Variants in SCIMP observed in about 807,000 individuals in gnomAD.
SCIMP encodes SLP adaptor and CSK interacting membrane protein, also known as SLP adapter and CSK-interacting membrane protein.
A neutral mutation model predicts 22.0 loss-of-function variants in SCIMP; 18 were observed. That is an observed-to-expected ratio of 0.82 (90% CI 0.56 to 1.21). SCIMP has a LOEUF of 1.21. Ranked by LOEUF, SCIMP falls within the 50% of genes most tolerant of loss-of-function variation. The probability of loss-of-function intolerance (pLI) is 0.00; values close to 1 mark genes in which losing one functional copy is unlikely to be tolerated. For missense variants in SCIMP, 155 were observed against 171.2 expected (o/e 0.91, Z 0.53); for synonymous variants, 53 against 62.2 (o/e 0.85, Z 0.70).
intron 1 of SCIMP, among the ~76,000 whole-genome samples, chr17:5,226,774 G>T (rs1280357389): frequency 6.6e-6 from 1 of 152,010 alleles, no homozygotes; most frequent in East Asian, 1.9e-4. Context: ...CTCCCAAAGT[G>T]CTGGGATTAC....
intron 1 of SCIMP, among the ~76,000 whole-genome samples, chr17:5,227,018 C>T (rs1031060167): frequency 1.3e-5 from 2 of 151,904 alleles, no homozygotes; most frequent in African/African-American, 4.8e-5. Flanking sequence ...GCTGCATGAC[C>T]GAGTTCAGGC....
intron 3 of SCIMP, among the ~76,000 whole-genome samples, chr17:5,218,700 T>C (rs780659489): frequency 1.3e-5 from 2 of 152,192 alleles, no homozygotes; most frequent in Non-Finnish European, 2.9e-5. Flanking sequence ...ATTTGTCTTA[T>C]TCTTGAAAGG....
At chr17:5,222,113 G>A (rs1183223012) in intron 2 of SCIMP, among the ~76,000 whole-genome samples, 1 of 143,810 alleles carries the variant, frequency 7.0e-6, no homozygotes. Context: ...TTTTTAAGAT[G>A]GAGTCTCACA....
chr17:5,226,898 G>A (rs1209861091), intron 1 of SCIMP, among the ~76,000 whole-genome samples: 1 of 152,080 alleles, frequency 6.6e-6, no homozygotes, highest in African/African-American at 2.4e-5. Flanking sequence ...CCTAGTTCCA[G>A]TAGGATGTCC....
At chr17:5,232,378 A>ATAAACAGTATAAACAGTGCAGTG (rs2074706082) in intron 1 of SCIMP, among the ~76,000 whole-genome samples, 1 of 138,564 alleles carries the variant, frequency 7.2e-6, no homozygotes, top group Non-Finnish European at 1.5e-5. Flanking sequence ...ACAGTGCAGT[A>ATAAACAGTATAAACAGTGCAGTG]TAAACAGTGC....
At chr17:5,219,395 GGT>G (rs1451100085) in intron 3 of SCIMP, among the ~76,000 whole-genome samples, 1 of 152,126 alleles carries the variant, frequency 6.6e-6, no homozygotes, top group African/African-American at 2.4e-5. Flanking sequence ...GGGAGGCCAA[GGT>G]GGGTGGATCA....
chr17:5,212,244 G>A (rs2074530861), intron 4 of SCIMP, among the ~76,000 whole-genome samples: 1 of 152,294 alleles, frequency 6.6e-6, no homozygotes, highest in Non-Finnish European at 1.5e-5. Flanking sequence ...ACAGACCAGA[G>A]TTCATGTTCA....
intron 1 of SCIMP, among the ~76,000 whole-genome samples, chr17:5,232,963 C>A (rs532608068): frequency 3.3e-5 from 5 of 152,068 alleles, no homozygotes; most frequent in Non-Finnish European, 5.9e-5. Context: ...CCACCTGCCT[C>A]GGCCTCCCAA....
At chr17:5,221,915 G>T (rs1333718840) in intron 2 of SCIMP, among the ~76,000 whole-genome samples, 3 of 151,954 alleles carry the variant, frequency 2.0e-5, no homozygotes, top group African/African-American at 7.3e-5. Flanking sequence ...TGACGTTACA[G>T]GTGCCTGCCA....
intron 3 of SCIMP, among the ~76,000 whole-genome samples, chr17:5,219,086 G>T (rs1034210216): frequency 6.7e-6 from 1 of 149,960 alleles, no homozygotes; most frequent in East Asian, 2.0e-4. Context: ...TTGGGAGGCC[G>T]AGATGGGCAG....
At chr17:5,227,797 G>T (rs951888706) in intron 1 of SCIMP, among the ~76,000 whole-genome samples, 1 of 152,172 alleles carries the variant, frequency 6.6e-6, no homozygotes, top group Non-Finnish European at 1.5e-5. Context: ...AGCCTCTCTC[G>T]TGAGGCCATC....
chr17:5,223,350 T>C lies in SCIMP; in HGVS notation c.128A>G (p.Lys43Arg). The change falls in exon 2 of 5, where the codon AAG (lysine) becomes AGG (arginine). Residue 43 changes from lysine to arginine, a missense_variant. Physicochemically the swap from Lys to Arg is conservative, Grantham distance 26. Transcript: ENST00000574081. ...GLGLILYCVC[K>R]WQLRRGKKWE... ...GCCATTACCTCGTCTAAGCTGCCACTTACAGACACAGTACAGGATGAGGCC... is the reference window on the plus strand; with the variant it reads ...GCCATTACCTCGTCTAAGCTGCCACCTACAGACACAGTACAGGATGAGGCC... 1 of 1,613,676 alleles carries C rather than the reference T, an allele frequency of 6.2e-7. No individual in the cohort carries two copies. Among genetic ancestry groups the C allele is most frequent in the South Asian group, 1.1e-5 (1 of 91,054 alleles).
At chr17:5,223,592 G>T (rs1015320268) in intron 1 of SCIMP, 136 bp from the exon 2 acceptor site, 11 of 791,640 alleles carry the variant, frequency 1.4e-5, no homozygotes, top group Non-Finnish European at 1.9e-5. Context: ...GCCCAGGCTG[G>T]AGTGCAATGA....
intron 1 of SCIMP, among the ~76,000 whole-genome samples, chr17:5,227,337 C>T (rs986870583): frequency 2.4e-5 from 3 of 126,476 alleles, no homozygotes; most frequent in Admixed American, 1.5e-4. Flanking sequence ...TTACACTTAG[C>T]CAGGTGTGGC....
intron 3 of SCIMP, chr17:5,215,218 A>C (rs532597076): frequency 1.9e-6 from 1 of 515,214 alleles, no homozygotes; most frequent in African/African-American, 1.9e-5. Flanking sequence ...GCTGAAAATG[A>C]GGGGAGGGAA....
chr17:5,227,722 C>G (rs2074661736), intron 1 of SCIMP, among the ~76,000 whole-genome samples: 1 of 152,186 alleles, frequency 6.6e-6, no homozygotes, highest in Non-Finnish European at 1.5e-5. Context: ...ACCAACTCCT[C>G]CACCTTCCAG....
At chr17:5,227,903 G>T (rs970876141) in intron 1 of SCIMP, among the ~76,000 whole-genome samples, 10 of 152,140 alleles carry the variant, frequency 6.6e-5, no homozygotes, top group Non-Finnish European at 1.2e-4. Context: ...TGTTGGGCGC[G>T]GTGGCTCATG....
At chr17:5,219,980 AC>A (rs1169506961) in intron 3 of SCIMP, among the ~76,000 whole-genome samples, 32 of 152,146 alleles carry the variant, frequency 2.1e-4, no homozygotes, top group African/African-American at 6.3e-4. Context: ...ACACTCCATC[AC>A]TTTTTCATTT....
chr17:5,221,648 C>T (rs3816262), intron 2 of SCIMP, among the ~76,000 whole-genome samples: 8,439 of 152,228 alleles, frequency 0.055, 301 homozygotes, highest in East Asian at 0.16. Flanking sequence ...CAGTTTGTAT[C>T]CTGTAGATGG....
Sources: gnomAD v4.1 joint callset for allele counts (sites outside exome capture counted in the v4.1 genomes callset) on GRCh38, gnomAD v4.1.1 for gene constraint, MANE v1.5 for transcripts, NCBI Gene and HGNC (gene_info 2026-07-23, HGNC 2026-07-21) for gene names.